Variants in DSCAM observed in about 807,000 individuals in gnomAD.
DSCAM encodes the protein DS cell adhesion molecule.
A neutral mutation model predicts 217.7 loss-of-function variants in DSCAM; 47 were observed. That is an observed-to-expected ratio of 0.22 (90% CI 0.17 to 0.28). The LOEUF is 0.28. Among genes scored for constraint, DSCAM ranks in the 10% least tolerant of loss-of-function variants. The pLI is 1.00. For synonymous variants in DSCAM, 1,056 were observed against 1,015.3 expected, an observed-to-expected ratio of 1.04 and a Z score of -0.76; for missense variants, 2,080 against 2,618.3, an observed-to-expected ratio of 0.79 and a Z score of 4.49.
intron 11 of DSCAM, among the ~76,000 whole-genome samples, chr21:40,195,674 AG>A (rs2090999962): frequency 6.6e-6 from 1 of 152,142 alleles, no homozygotes; most frequent in South Asian, 2.1e-4. Flanking sequence ...ATGGCAGAGG[AG>A]GGTGTGGAGC....
intron 8 of DSCAM, among the ~76,000 whole-genome samples, chr21:40,323,223 G>A (rs1051376537): frequency 6.6e-6 from 1 of 152,084 alleles, no homozygotes; most frequent in Admixed American, 6.5e-5. Context: ...TTGATCATAA[G>A]GCACTCCTTG....
At chr21:40,593,732 T>C (rs2077000687) in intron 3 of DSCAM, among the ~76,000 whole-genome samples, 1 of 152,240 alleles carries the variant, frequency 6.6e-6, no homozygotes, top group South Asian at 2.1e-4. Context: ...TATTTTACTA[T>C]TCAGAGCTAG....
intron 3 of DSCAM, among the ~76,000 whole-genome samples, chr21:40,372,702 C>T (rs1196807850): frequency 6.6e-6 from 1 of 152,106 alleles, no homozygotes; most frequent in Non-Finnish European, 1.5e-5. Flanking sequence ...ATGTTACTTC[C>T]CTTTGTTATC....
intron 11 of DSCAM, among the ~76,000 whole-genome samples, chr21:40,193,915 C>G (rs1475101393): frequency 6.6e-6 from 1 of 152,182 alleles, no homozygotes. Context: ...AGCTCCAAGG[C>G]TGGTGTTGAC....
intron 11 of DSCAM, 145 bp downstream of exon 11, chr21:40,275,952 A>G (rs1405988023): frequency 3.7e-6 from 3 of 818,474 alleles, no homozygotes; most frequent in Non-Finnish European, 3.5e-6. Flanking sequence ...CCAGAACAAC[A>G]AAACTTTAAA....
intron 11 of DSCAM, among the ~76,000 whole-genome samples, chr21:40,227,522 T>C (rs1386001921): frequency 6.6e-6 from 1 of 152,178 alleles, no homozygotes; most frequent in Non-Finnish European, 1.5e-5. Flanking sequence ...CTCAAGTTCT[T>C]CCCATGATAT....
intron 3 of DSCAM, among the ~76,000 whole-genome samples, chr21:40,578,320 T>C (rs1257342589): frequency 6.6e-6 from 1 of 152,146 alleles, no homozygotes; most frequent in Non-Finnish European, 1.5e-5. Flanking sequence ...GGTGGGGACT[T>C]GGAGAACTTT....
intron 3 of DSCAM, among the ~76,000 whole-genome samples, chr21:40,511,996 A>AC (rs2076262255): frequency 6.8e-6 from 1 of 147,078 alleles, no homozygotes; most frequent in African/African-American, 2.5e-5. Flanking sequence ...GTCTCAAAAA[A>AC]AAAAAAAAAA....
intron 1 of DSCAM, among the ~76,000 whole-genome samples, chr21:40,842,420 T>C (rs892886713): frequency 2.0e-5 from 3 of 152,376 alleles, no homozygotes; most frequent in East Asian, 1.9e-4. Flanking sequence ...TAATTATTTA[T>C]GAGCCACATT....
intron 3 of DSCAM, among the ~76,000 whole-genome samples, chr21:40,572,090 G>C (rs1192245152): frequency 1.6e-3 from 34 of 21,424 alleles, no homozygotes; most frequent in Non-Finnish European, 2.8e-3. Flanking sequence ...GTGTGGGTGT[G>C]TGTGTGTGTG....
chr21:40,834,694 G>A (rs1038579164), intron 1 of DSCAM, among the ~76,000 whole-genome samples: 1 of 152,102 alleles, frequency 6.6e-6, no homozygotes, highest in Non-Finnish European at 1.5e-5. Flanking sequence ...GCCCTGAGCA[G>A]GCAAGAGGTC....
At chr21:40,288,987 CTTTA>C (rs1353046576) in intron 10 of DSCAM, among the ~76,000 whole-genome samples, 1 of 152,158 alleles carries the variant, frequency 6.6e-6, no homozygotes, top group Non-Finnish European at 1.5e-5. Flanking sequence ...TAGATTCCTA[CTTTA>C]TTTATTTTAC....
intron 3 of DSCAM, among the ~76,000 whole-genome samples, chr21:40,381,206 C>A (rs905678948): frequency 2.6e-5 from 4 of 152,070 alleles, no homozygotes; most frequent in Admixed American, 2.6e-4. Flanking sequence ...GTCCTCCTGC[C>A]AGGAATAAGA....
intron 3 of DSCAM, among the ~76,000 whole-genome samples, chr21:40,650,708 G>A (rs553275627): frequency 6.6e-6 from 1 of 152,306 alleles, no homozygotes; most frequent in South Asian, 2.1e-4. Context: ...GAGGTCAGTA[G>A]TTCAAGACCA....
At chr21:40,344,089 G>A (rs2074531354) in intron 6 of DSCAM, among the ~76,000 whole-genome samples, 1 of 151,972 alleles carries the variant, frequency 6.6e-6, no homozygotes, top group Non-Finnish European at 1.5e-5. Flanking sequence ...AGCAGAGACA[G>A]GATTTTGCCA....
chr21:40,829,500 G>A (rs748628368), intron 1 of DSCAM, among the ~76,000 whole-genome samples: 1 of 152,232 alleles, frequency 6.6e-6, no homozygotes, highest in Non-Finnish European at 1.5e-5. Flanking sequence ...TGCAATGGCA[G>A]ATAGGCTGGG....
chr21:40,569,734 T>C (rs560915180), intron 3 of DSCAM, among the ~76,000 whole-genome samples: 1 of 152,334 alleles, frequency 6.6e-6, no homozygotes, highest in South Asian at 2.1e-4. Flanking sequence ...TATCAGACCT[T>C]TCAGGAGCTT....
intron 1 of DSCAM, among the ~76,000 whole-genome samples, chr21:40,715,487 C>A (rs1342227799): frequency 1.3e-5 from 2 of 152,146 alleles, no homozygotes; most frequent in Non-Finnish European, 1.5e-5. Flanking sequence ...TAGCTCTTAC[C>A]CACAGAGAAG....
At position 40,829,610 on chromosome 21, in the gene DSCAM, G is replaced by A. The variant is rs141354462; in HGVS notation, c.43+17009C>T. ...CAGGTCAGAGGAAAAGCAAGTTGGC[G>A]TTGGAGTCAGCTGTCAAGAGATAGA... On this transcript the variant is annotated intron_variant, in intron 1 of 32. Transcript: ENST00000400454. 4.5e-4 allele frequency among the ~76,000 whole-genome samples: 69 copies of A among 152,300 alleles called. 1 individual carries two copies. The highest frequency in any genetic ancestry group is 1.4e-3 in the African/African-American group (57 of 41,564).
Sources: allele counts gnomAD v4.1 joint callset (sites outside exome capture counted in the v4.1 genomes callset), GRCh38; gene constraint gnomAD v4.1.1; transcripts MANE v1.5; gene names NCBI Gene and HGNC (gene_info 2026-07-23, HGNC 2026-07-21).